Variants in NT5DC3 observed in about 807,000 individuals in gnomAD.
NT5DC3 encodes 5'-nucleotidase domain containing 3.
NT5DC3 carries 42 observed loss-of-function variants against 67.8 expected under a neutral mutation model. The ratio of observed to expected loss-of-function variants is 0.62; its 90% CI spans 0.48 to 0.80. The LOEUF is 0.80. Among genes scored for constraint, NT5DC3 ranks in the 30% least tolerant of loss-of-function variants. NT5DC3 has a pLI of 0.00. For synonymous variants in NT5DC3, 237 were observed against 255.6 expected (o/e 0.93, Z 0.69); for missense variants, 570 against 696.4 (o/e 0.82, Z 2.04).
At chr12:103,763,641 C>T in the NT5DC3 span, 1 of 1,574,438 alleles carries the variant, frequency 6.4e-7, no homozygotes, top group Non-Finnish European at 8.7e-7. Flanking sequence ...GAATAGGTTC[C>T]CTTGGGGTAC....
the NT5DC3 span, among the ~76,000 whole-genome samples, chr12:103,764,784 G>A: frequency 9.2e-5 from 14 of 151,980 alleles, no homozygotes; most frequent in African/African-American, 2.9e-4. Flanking sequence ...CCCATGTAAA[G>A]GCTTCTGGTT....
intron 5 of NT5DC3, among the ~76,000 whole-genome samples, chr12:103,797,444 T>C (rs1886368508): frequency 6.7e-6 from 1 of 149,320 alleles, no homozygotes; most frequent in African/African-American, 2.5e-5. Context: ...CACACCAGCC[T>C]GGACAACAAG....
At position 103,838,262 on chromosome 12, in the gene NT5DC3, T is replaced by C. The variant is rs1390975538; in HGVS notation, c.208+2687A>G. Among the ~76,000 whole-genome samples, 3 of 152,190 alleles carry C rather than the reference T, an allele frequency of 2.0e-5. No homozygotes were observed. The East Asian group carries it at 5.8e-4, about 29-fold the overall frequency. ...CTGGGAGATATGATTCAAGTTGAGA[T>C]TTTGGTGGGGACACAGCCAAACCAT... On this transcript the variant is annotated intron_variant, in intron 1 of 13. Transcript: ENST00000392876.
At chr12:103,765,920 T>A, downstream of NT5DC3, 1 of 358,600 alleles carries the variant, frequency 2.8e-6, no homozygotes, top group Non-Finnish European at 5.5e-6. Flanking sequence ...CCGAAAGGAG[T>A]TTTTATAATA....
At chr12:103,791,050 G>C (rs1886034753) in intron 9 of NT5DC3, among the ~76,000 whole-genome samples, 1 of 152,036 alleles carries the variant, frequency 6.6e-6, no homozygotes. Context: ...AATTTAACTA[G>C]GCATCTCCTA....
rs528749944 is a variant in NT5DC3, at chr12:103,773,511, G to A, written c.*4318C>T. On this transcript the variant is annotated 3_prime_UTR_variant, in exon 14 of 14. Transcript: ENST00000392876. ...CTAAATGACACTAGTAGTGTCAAAG[G>A]TTAGCTGAACTTTGAGCTAAGCTCC... is the stretch of plus-strand genomic sequence containing the variant. The A allele has an allele frequency of 3.3e-5, 5 of 152,262 alleles. No homozygotes were observed. The highest frequency in any genetic ancestry group is 2.0e-4 in the Admixed American group (3 of 15,300). 9.4% of individuals were successfully genotyped at this position (152,262 alleles called of 1,614,324 possible).
chr12:103,763,574 C>A, the NT5DC3 span: 4 of 1,614,110 alleles, frequency 2.5e-6, no homozygotes, highest in Non-Finnish European at 3.4e-6. Context: ...AGCACAACCT[C>A]AGCTCCCCCA....
At chr12:103,833,230 G>C (rs1483922442) in intron 1 of NT5DC3, among the ~76,000 whole-genome samples, 1 of 152,142 alleles carries the variant, frequency 6.6e-6, no homozygotes, top group Non-Finnish European at 1.5e-5. Context: ...TAAAGGCTCT[G>C]ACTCACTAGC....
intron 1 of NT5DC3, among the ~76,000 whole-genome samples, chr12:103,839,782 C>T (rs1317414620): frequency 6.6e-6 from 1 of 152,154 alleles, no homozygotes; most frequent in Non-Finnish European, 1.5e-5. Flanking sequence ...AAGTAAGCCA[C>T]CATTTCATAG....
At chr12:103,838,673 C>A (rs59904450) in intron 1 of NT5DC3, among the ~76,000 whole-genome samples, 2,335 of 152,250 alleles carry the variant, frequency 0.015, 67 homozygotes, top group African/African-American at 0.053. Flanking sequence ...CTGGGAGCAA[C>A]CCAAATGTCC....
intron 12 of NT5DC3, among the ~76,000 whole-genome samples, chr12:103,783,566 T>C (rs1183234284): frequency 1.3e-5 from 2 of 152,134 alleles, no homozygotes; most frequent in Admixed American, 6.5e-5. Flanking sequence ...AACCGAGAAC[T>C]GTGATTCTAG....
chr12:103,814,172 T>C (rs1452940445), intron 2 of NT5DC3, among the ~76,000 whole-genome samples: 2 of 152,220 alleles, frequency 1.3e-5, no homozygotes, highest in East Asian at 3.8e-4. Context: ...CAGCTTGTAT[T>C]GCAGGGCTTG....
At chr12:103,787,420 A>G (rs755831345) in intron 11 of NT5DC3, 21 bp downstream of exon 11, 2 of 1,383,282 alleles carry the variant, frequency 1.4e-6, no homozygotes, top group Non-Finnish European at 2.0e-6. Context: ...TCCCCCAACA[A>G]AGGAAAAAAG....
the NT5DC3 span, chr12:103,753,476 G>C: frequency 7.5e-7 from 1 of 1,326,820 alleles, no homozygotes; most frequent in Non-Finnish European, 1.1e-6. Context: ...GTAGCTCCTG[G>C]AACAATGCTA....
chr12:103,755,315 T>C, the NT5DC3 span: 1 of 1,614,034 alleles, frequency 6.2e-7, no homozygotes, highest in Non-Finnish European at 8.5e-7. Flanking sequence ...AAGTACCACC[T>C]GTGCTCAGCA....
At position 103,776,173 on chromosome 12, in the gene NT5DC3, A is replaced by C. The variant is rs1885332040; in HGVS notation, c.*1656T>G. On this transcript the variant is annotated 3_prime_UTR_variant, in exon 14 of 14. Coordinates refer to ENST00000392876, the MANE Select transcript of NT5DC3 (RefSeq NM_001031701.3). ...AGAGTGCAGTAAATATGCACTTTAC[A>C]TTGAAGGATACTACAAATGCAGGTG... 1 of 152,208 alleles carries C rather than the reference A, an allele frequency of 6.6e-6. No individual in the cohort carries two copies. Among genetic ancestry groups the C allele is most frequent in the Non-Finnish European group, 1.5e-5 (1 of 68,046 alleles). The allele number at this position is 152,208 out of a possible 1,614,324, so 9.4% of individuals were successfully genotyped here.
intron 6 of NT5DC3, 127 bp from the exon 7 acceptor site, chr12:103,794,124 A>T: frequency 1.6e-6 from 1 of 640,228 alleles, no homozygotes; most frequent in South Asian, 2.0e-5. Flanking sequence ...CCTACACAAA[A>T]TCTAAATTCT....
intron 1 of NT5DC3, among the ~76,000 whole-genome samples, chr12:103,833,251 G>A (rs968620818): frequency 2.0e-5 from 3 of 152,110 alleles, no homozygotes; most frequent in African/African-American, 7.2e-5. Context: ...TCCGAAGCTA[G>A]CTCTGAAAAG....
At chr12:103,791,248 AC>A (rs2139334149) in intron 9 of NT5DC3, among the ~76,000 whole-genome samples, 1 of 152,136 alleles carries the variant, frequency 6.6e-6, no homozygotes, top group South Asian at 2.1e-4. Flanking sequence ...CTGCCCCCTC[AC>A]TTTTTATAAA....
Sources: gnomAD v4.1 joint callset for allele counts (sites outside exome capture counted in the v4.1 genomes callset) on GRCh38, gnomAD v4.1.1 for gene constraint, MANE v1.5 for transcripts, NCBI Gene and HGNC (gene_info 2026-07-23, HGNC 2026-07-21) for gene names.